DLGAP1: variants seen among roughly 807,000 people sequenced by gnomAD.
The protein encoded by DLGAP1 is disks large-associated protein 1.
Under a neutral mutation model 90.8 loss-of-function variants are expected in DLGAP1, and 11 were observed. The observed-to-expected ratio is 0.12, with a 90% CI of 0.08 to 0.20. The LOEUF is 0.20. Among genes scored for constraint, DLGAP1 ranks in the 10% least tolerant of loss-of-function variants. DLGAP1 has a pLI of 1.00. For synonymous variants in DLGAP1, 558 were observed against 540.7 expected, an observed-to-expected ratio of 1.03 and a Z score of -0.44; for missense variants, 1,050 against 1,333.8, an observed-to-expected ratio of 0.79 and a Z score of 3.31.
At chr18:4,397,924 T>C (rs1567889416) in intron 1 of DLGAP1, among the ~76,000 whole-genome samples, 1 of 152,180 alleles carries the variant, frequency 6.6e-6, no homozygotes, top group Non-Finnish European at 1.5e-5. Context: ...AGATGATTCA[T>C]CAATATGTTA....
chr18:4,021,564 C>T (rs1196725632), intron 2 of DLGAP1, among the ~76,000 whole-genome samples: 1 of 152,058 alleles, frequency 6.6e-6, no homozygotes, highest in African/African-American at 2.4e-5. Context: ...TGTAAAATTG[C>T]CTGGTCTCAG....
intron 1 of DLGAP1, among the ~76,000 whole-genome samples, chr18:4,447,079 T>C (rs1437939356): frequency 6.6e-6 from 1 of 152,226 alleles, no homozygotes; most frequent in African/African-American, 2.4e-5. Context: ...GCTGTTGGGA[T>C]CATAAATAGG....
intron 4 of DLGAP1, among the ~76,000 whole-genome samples, chr18:3,858,954 C>T (rs1772480227): frequency 6.6e-6 from 1 of 152,122 alleles, no homozygotes; most frequent in Admixed American, 6.5e-5. Context: ...TTTCATGCTT[C>T]AGAGCTTTTT....
chr18:4,072,046 T>A (rs2075455315), intron 2 of DLGAP1, among the ~76,000 whole-genome samples: 1 of 152,190 alleles, frequency 6.6e-6, no homozygotes, highest in South Asian at 2.1e-4. Flanking sequence ...TGTGGCTGCC[T>A]TGTAGAGGCT....
intron 7 of DLGAP1, among the ~76,000 whole-genome samples, chr18:3,646,849 C>G (rs1457535642): frequency 1.3e-5 from 2 of 152,118 alleles, no homozygotes; most frequent in East Asian, 3.9e-4. Flanking sequence ...GGCTTGAACC[C>G]GGGAGGCGGA....
At chr18:3,651,848 G>C (rs1026679065) in intron 7 of DLGAP1, among the ~76,000 whole-genome samples, 2 of 152,160 alleles carry the variant, frequency 1.3e-5, no homozygotes, top group Admixed American at 1.3e-4. Flanking sequence ...GCGGGCACCT[G>C]TAATCCCAGC....
At chr18:3,648,108 C>T (rs1038899096) in intron 7 of DLGAP1, among the ~76,000 whole-genome samples, 1 of 152,176 alleles carries the variant, frequency 6.6e-6, no homozygotes, top group African/African-American at 2.4e-5. Flanking sequence ...TTCCTTCTGC[C>T]TTCACTTAAG....
chr18:4,284,389 GTTAATGCATCAAACGCT>G lies in DLGAP1; in HGVS notation c.-266-133119_-266-133103del, dbSNP rs2079631254. ...AATACAATAGAGGGAAGGGAAACCA[GTTAATGCATCAAACGCT>G]TTATCCCATCAAAGGCCTATGAACA... On this transcript the variant is annotated intron_variant, in intron 1 of 12. Coordinates refer to ENST00000315677, the MANE Select transcript of DLGAP1 (RefSeq NM_004746.4). Among the ~76,000 whole-genome samples the G allele has an allele frequency of 2.0e-5, 3 of 152,070 alleles. No homozygotes were observed. In the South Asian group the frequency reaches 6.2e-4, roughly 32 times the overall value.
intron 1 of DLGAP1, among the ~76,000 whole-genome samples, chr18:4,228,351 A>G (rs1481227110): frequency 6.6e-6 from 1 of 152,082 alleles, no homozygotes; most frequent in East Asian, 1.9e-4. Context: ...TGAGATCAGT[A>G]TTGTCCTGAT....
intron 2 of DLGAP1, among the ~76,000 whole-genome samples, chr18:4,089,258 T>C (rs192085001): frequency 1.3e-5 from 2 of 152,130 alleles, no homozygotes; most frequent in Admixed American, 6.5e-5. Context: ...ATGTGAAGGA[T>C]CTCTTCGAGG....
chr18:3,712,527 A>G (rs1446724288), intron 7 of DLGAP1, among the ~76,000 whole-genome samples: 2 of 152,258 alleles, frequency 1.3e-5, no homozygotes, highest in South Asian at 4.1e-4. Flanking sequence ...AACCTCAGTT[A>G]TTAAGAGCTA....
At chr18:3,819,057 A>T (rs2067255948) in intron 4 of DLGAP1, among the ~76,000 whole-genome samples, 1 of 151,336 alleles carries the variant, frequency 6.6e-6, no homozygotes, top group Admixed American at 6.6e-5. Context: ...CATGCCTGTA[A>T]TTCCAGCACT....
At chr18:4,169,458 C>G (rs186265018) in intron 1 of DLGAP1, among the ~76,000 whole-genome samples, 1 of 152,246 alleles carries the variant, frequency 6.6e-6, no homozygotes, top group African/African-American at 2.4e-5. Context: ...ATTAGTTATA[C>G]TATTCAAGGG....
intron 1 of DLGAP1, among the ~76,000 whole-genome samples, chr18:4,230,640 A>T (rs1323064404): frequency 1.3e-5 from 2 of 150,774 alleles, no homozygotes; most frequent in African/African-American, 4.9e-5. Context: ...TGGGAAGTGG[A>T]AGGTGGGGAG....
At chr18:4,067,025 G>A (rs966323603) in intron 2 of DLGAP1, among the ~76,000 whole-genome samples, 3 of 152,114 alleles carry the variant, frequency 2.0e-5, no homozygotes, top group African/African-American at 7.2e-5. Flanking sequence ...GTCCTTTGCA[G>A]GGACGTGGAC....
At position 3,729,750 on chromosome 18, in the gene DLGAP1, G is replaced by A. The variant is rs984784523; in HGVS notation, c.1351-375C>T. On this transcript the variant is annotated intron_variant, in intron 6 of 12. Coordinates refer to ENST00000315677, the MANE Select transcript of DLGAP1 (RefSeq NM_004746.4). This position sits in a 1 kb window ranked among gnomAD's most constrained non-coding sequence, Gnocchi z 6.2. ...GAAAAAAGGGCACCGTTTGTAGAAC[G>A]CAAGGAAATGTGGGGCTTATTCCAA... 6.6e-6 allele frequency among the ~76,000 whole-genome samples: 1 copy of A among 152,126 alleles called. No homozygotes were observed. The highest frequency in any genetic ancestry group is 1.5e-5 in the Non-Finnish European group (1 of 68,046).
chr18:4,427,150 A>G (rs1018511632), intron 1 of DLGAP1, among the ~76,000 whole-genome samples: 2 of 152,230 alleles, frequency 1.3e-5, no homozygotes, highest in Admixed American at 6.5e-5. Flanking sequence ...CCACAGACAC[A>G]GTCGGAGATT....
intron 5 of DLGAP1, among the ~76,000 whole-genome samples, chr18:3,795,995 G>T (rs1443118305): frequency 6.6e-6 from 1 of 152,082 alleles, no homozygotes; most frequent in Non-Finnish European, 1.5e-5. Flanking sequence ...GCTATCCGAT[G>T]GTCAAAGGGC....
chr18:4,362,776 A>G (rs1037747879), intron 1 of DLGAP1, among the ~76,000 whole-genome samples: 1 of 152,176 alleles, frequency 6.6e-6, no homozygotes, highest in African/African-American at 2.4e-5. Context: ...ACACTGGATG[A>G]AAATGTTCAA....
Sources: allele counts gnomAD v4.1 joint callset (sites outside exome capture counted in the v4.1 genomes callset), GRCh38; gene constraint gnomAD v4.1.1; non-coding constraint Gnocchi (gnomAD v3.1); transcripts MANE v1.5; gene names NCBI Gene and HGNC (gene_info 2026-07-23, HGNC 2026-07-21).